BCKDHB: variants seen among roughly 807,000 people sequenced by gnomAD.
BCKDHB encodes branched chain keto acid dehydrogenase E1 subunit beta, also known as 2-oxoisovalerate dehydrogenase subunit beta, mitochondrial.
BCKDHB carries 41 observed loss-of-function variants against 48.5 expected under a neutral mutation model. The ratio of observed to expected loss-of-function variants is 0.85; its 90% CI spans 0.66 to 1.10. The LOEUF (loss-of-function observed/expected upper bound fraction) is 1.10, where lower values mean the gene tolerates loss of function less well. Ranked by LOEUF, BCKDHB falls within the 50% of genes least tolerant of loss-of-function variation. The pLI is 0.00. For synonymous variants in BCKDHB, 201 were observed against 174.8 expected, an observed-to-expected ratio of 1.15 and a Z score of -1.18; for missense variants, 496 against 494.2, an observed-to-expected ratio of 1.00 and a Z score of -0.03.
intron 9 of BCKDHB, among the ~76,000 whole-genome samples, chr6:80,298,860 A>G (rs1385447706): frequency 1.3e-5 from 2 of 152,172 alleles, no homozygotes; most frequent in African/African-American, 4.8e-5. Flanking sequence ...TTTGTTGGTC[A>G]TGAAAGGATC....
At chr6:80,338,669 A>C (rs1769725591) in intron 9 of BCKDHB, among the ~76,000 whole-genome samples, 1 of 152,122 alleles carries the variant, frequency 6.6e-6, no homozygotes, top group South Asian at 2.1e-4. Context: ...CTTTAATGAT[A>C]ATTTGTTCTA....
At chr6:80,419,397 A>C in the BCKDHB span, among the ~76,000 whole-genome samples, 1 of 152,162 alleles carries the variant, frequency 6.6e-6, no homozygotes, top group South Asian at 2.1e-4. Context: ...CTGGGGCCCC[A>C]GGAGAGACCG....
At chr6:80,152,137 T>G (rs1260266379) in intron 3 of BCKDHB, among the ~76,000 whole-genome samples, 2 of 149,886 alleles carry the variant, frequency 1.3e-5, no homozygotes, top group Non-Finnish European at 3.0e-5. Flanking sequence ...CGTTACAGGT[T>G]TATTCAGAAA....
chr6:80,205,789 T>TGG (rs879690817), intron 8 of BCKDHB, among the ~76,000 whole-genome samples: 3,421 of 126,800 alleles, frequency 0.027, 129 homozygotes, highest in African/African-American at 0.093. Context: ...CCCTGTGCCA[T>TGG]GGGTGTGTGT....
intron 8 of BCKDHB, among the ~76,000 whole-genome samples, chr6:80,221,314 C>A (rs964950656): frequency 8.5e-5 from 13 of 152,132 alleles, no homozygotes; most frequent in African/African-American, 3.1e-4. Context: ...TAATCACTAC[C>A]CCTTCCCGAC....
rs143733329 is a variant in BCKDHB at position 80,336,219 on chromosome 6, C to T, written c.1039-7445C>T. ...TTTCTATAGGTAATATATTGAGGTT[C>T]TGACAATTTTATATTAATGTATGAT... On this transcript the variant is annotated intron_variant, in intron 9 of 9. Transcript: ENST00000320393. Among the ~76,000 whole-genome samples, 47 of 151,550 alleles carry T rather than the reference C, an allele frequency of 3.1e-4. No individual in the cohort carries two copies. In the East Asian group the frequency reaches 7.9e-3, roughly 26 times the overall value.
chr6:80,439,958 G>T, the BCKDHB span, among the ~76,000 whole-genome samples: 1 of 152,058 alleles, frequency 6.6e-6, no homozygotes, highest in Admixed American at 6.5e-5. Context: ...GCCTTTTTTG[G>T]CACTGAGAGA....
chr6:80,428,294 C>T, the BCKDHB span, among the ~76,000 whole-genome samples: 7 of 152,234 alleles, frequency 4.6e-5, no homozygotes, highest in South Asian at 2.1e-4. Context: ...TGGGTTGGTT[C>T]CAAGTCTTGC....
At chr6:80,235,755 A>G (rs956616002) in intron 8 of BCKDHB, among the ~76,000 whole-genome samples, 34 of 152,194 alleles carry the variant, frequency 2.2e-4, no homozygotes, top group Admixed American at 2.2e-3. Context: ...ATTTAAAATC[A>G]TGGCCTGGTT....
intron 9 of BCKDHB, among the ~76,000 whole-genome samples, chr6:80,333,781 C>A (rs1190496193): frequency 1.3e-5 from 2 of 152,062 alleles, no homozygotes; most frequent in Non-Finnish European, 2.9e-5. Flanking sequence ...GAACTATATA[C>A]ATTTAGTTTA....
chr6:80,405,989 C>T, the BCKDHB span, among the ~76,000 whole-genome samples: 1 of 152,114 alleles, frequency 6.6e-6, no homozygotes, highest in Admixed American at 6.6e-5. Flanking sequence ...CCCCCGCCCC[C>T]ACCAGGCCCC....
chr6:80,309,378 A>G (rs1768042506), intron 9 of BCKDHB, among the ~76,000 whole-genome samples: 1 of 152,178 alleles, frequency 6.6e-6, no homozygotes, highest in Non-Finnish European at 1.5e-5. Context: ...AGTATAGATT[A>G]TCAACAATAA....
intron 3 of BCKDHB, among the ~76,000 whole-genome samples, chr6:80,158,435 G>C (rs1023749884): frequency 1.3e-5 from 2 of 152,096 alleles, no homozygotes; most frequent in African/African-American, 4.8e-5. Flanking sequence ...GTAACAATTT[G>C]AAGAATATTG....
intron 8 of BCKDHB, among the ~76,000 whole-genome samples, chr6:80,215,768 G>A (rs1475551683): frequency 6.6e-6 from 1 of 151,820 alleles, no homozygotes; most frequent in East Asian, 1.9e-4. Flanking sequence ...TTTTTGAGAC[G>A]GAGTCTCGCC....
the BCKDHB span, among the ~76,000 whole-genome samples, chr6:80,423,778 C>T: frequency 1.3e-5 from 2 of 152,174 alleles, no homozygotes; most frequent in African/African-American, 4.8e-5. Context: ...TGATGCATTG[C>T]ACCTCCATTC....
the BCKDHB span, among the ~76,000 whole-genome samples, chr6:80,362,732 G>T: frequency 1.3e-5 from 2 of 152,184 alleles, no homozygotes. Flanking sequence ...TGAGAGATTT[G>T]ATGTGAACAA....
At chr6:80,142,179 T>G (rs1314501269) in intron 3 of BCKDHB, among the ~76,000 whole-genome samples, 1 of 152,052 alleles carries the variant, frequency 6.6e-6, no homozygotes, top group East Asian at 1.9e-4. Context: ...CCATAGATCT[T>G]GAGGAAATCT....
At chr6:80,256,555 A>C (rs1562179869) in intron 8 of BCKDHB, among the ~76,000 whole-genome samples, 1 of 152,246 alleles carries the variant, frequency 6.6e-6, no homozygotes, top group Non-Finnish European at 1.5e-5. Context: ...GTATATACAC[A>C]CACATATATA....
the BCKDHB span, among the ~76,000 whole-genome samples, chr6:80,360,834 G>A: frequency 1.5e-4 from 22 of 151,448 alleles, no homozygotes; most frequent in African/African-American, 5.3e-4. Flanking sequence ...GGTGAAACCC[G>A]TCTCTACTAA....
Sources: allele counts gnomAD v4.1 joint callset (sites outside exome capture counted in the v4.1 genomes callset), GRCh38; gene constraint gnomAD v4.1.1; transcripts MANE v1.5; gene names NCBI Gene and HGNC (gene_info 2026-07-23, HGNC 2026-07-21).